Variants in SRPX2 observed in about 807,000 individuals in gnomAD.
SRPX2 encodes the protein sushi repeat-containing protein SRPX2.
A neutral mutation model predicts 45.3 loss-of-function variants in SRPX2; 26 were observed. The ratio of observed to expected loss-of-function variants is 0.57; its 90% CI spans 0.42 to 0.80. The LOEUF (loss-of-function observed/expected upper bound fraction) is 0.80, where lower values mean the gene tolerates loss of function less well. Ranked by LOEUF, SRPX2 falls within the 30% of genes least tolerant of loss-of-function variation. The probability of loss-of-function intolerance (pLI) is 0.00; values close to 1 mark genes in which losing one functional copy is unlikely to be tolerated. For synonymous variants in SRPX2, 125 were observed against 143.7 expected (o/e 0.87, Z 0.93); for missense variants, 355 against 399.8 (o/e 0.89, Z 0.95).
rs5921621 is a variant in SRPX2, at chrX:100,671,393, T to C, written c.*406T>C. The C allele has an allele frequency of 0.24, 42,592 of 179,763 alleles. 4,186 individuals are homozygous for C. Among genetic ancestry groups the C allele is most frequent in the South Asian group, 0.34 (2,944 of 8,678 alleles). The allele number at this position is 179,763 out of a possible 1,213,427, so 14.8% of individuals were successfully genotyped here. On this transcript the variant is annotated 3_prime_UTR_variant, in exon 11 of 11. Transcript: ENST00000373004. Reference sequence around the variant, plus strand: ...AGCTTACACTTTAAGCAAGTGTAGCTGGATTTTCCTTACAGGATGAGGGGT... The same window carrying C: ...AGCTTACACTTTAAGCAAGTGTAGCCGGATTTTCCTTACAGGATGAGGGGT...
At chrX:100,657,686 A>C (rs1210492296) in intron 3 of SRPX2, among the ~76,000 whole-genome samples, 1 of 109,821 alleles carries the variant, frequency 9.1e-6, no homozygotes, top group Non-Finnish European at 1.9e-5. Context: ...GGGTGAGATG[A>C]TATCTCATTG....
At chrX:100,659,254 T>A (rs1005389102) in intron 3 of SRPX2, among the ~76,000 whole-genome samples, 1 of 112,150 alleles carries the variant, frequency 8.9e-6, no homozygotes, top group Non-Finnish European at 1.9e-5. Flanking sequence ...GACTTCTTCC[T>A]TATTTGAAAA....
At chrX:100,656,248 G>A (rs985504156) in intron 3 of SRPX2, among the ~76,000 whole-genome samples, 5 of 111,161 alleles carry the variant, frequency 4.5e-5, no homozygotes, top group Admixed American at 9.6e-5. Context: ...AGTGTCACAC[G>A]CATAGACTGT....
At chrX:100,655,321 G>A (rs2083165162) in intron 3 of SRPX2, among the ~76,000 whole-genome samples, 1 of 111,317 alleles carries the variant, frequency 9.0e-6, no homozygotes, top group South Asian at 3.8e-4. Flanking sequence ...TAAAAAGGAA[G>A]GAAAAATAAG....
chrX:100,661,933 GTTTTTTTTTTTTTTT>G (rs771852530), intron 3 of SRPX2, among the ~76,000 whole-genome samples: 1 of 59,698 alleles, frequency 1.7e-5, no homozygotes, highest in Non-Finnish European at 3.1e-5. Context: ...TCGAGGTGGG[GTTTTTTTTTTTTTTT>G]TTTTTTTTTT....
chrX:100,647,984 T>C (rs2083140636), intron 2 of SRPX2, among the ~76,000 whole-genome samples: 1 of 112,589 alleles, frequency 8.9e-6, no homozygotes, highest in Admixed American at 9.4e-5. Context: ...GCTGTTGGGC[T>C]TGCCTTCATG....
intron 2 of SRPX2, among the ~76,000 whole-genome samples, chrX:100,646,830 G>A (rs1362231087): frequency 9.0e-6 from 1 of 111,725 alleles, no homozygotes; most frequent in Non-Finnish European, 1.9e-5. Context: ...AAATAAGGGG[G>A]GCAGGCAATC....
At chrX:100,666,712 T>G in intron 7 of SRPX2, 42 bp from the exon 8 acceptor site, 1 of 1,209,975 alleles carries the variant, frequency 8.3e-7, no homozygotes, top group Non-Finnish European at 1.1e-6. Context: ...TTCCTTCTTA[T>G]AAGAAACACC....
chrX:100,661,933 GTTTTTTTTTTTTTT>G (rs771852530), intron 3 of SRPX2, among the ~76,000 whole-genome samples: 1 of 59,698 alleles, frequency 1.7e-5, no homozygotes, highest in Non-Finnish European at 3.1e-5. Context: ...TCGAGGTGGG[GTTTTTTTTTTTTTT>G]TTTTTTTTTT....
chrX:100,664,020 A>G (rs2083196090), intron 4 of SRPX2, among the ~76,000 whole-genome samples: 1 of 111,944 alleles, frequency 8.9e-6, no homozygotes, highest in Admixed American at 9.5e-5. Flanking sequence ...TTGAGGAATA[A>G]GAGACAAAAA....
intron 3 of SRPX2, among the ~76,000 whole-genome samples, chrX:100,659,775 TTC>T (rs1208520090): frequency 6.8e-4 from 15 of 21,925 alleles, no homozygotes; most frequent in Non-Finnish European, 2.6e-3. Context: ...TCTCATCTAC[TTC>T]TTTTTTTTTT....
chrX:100,669,392 A>G, intron 10 of SRPX2, 23 bp downstream of exon 10: 2 of 99,211 alleles, frequency 2.0e-5, no homozygotes, highest in Non-Finnish European at 3.3e-5. Flanking sequence ...AGGCTGCCAA[A>G]CTTGGGGGGA....
intron 3 of SRPX2, among the ~76,000 whole-genome samples, chrX:100,657,870 C>T (rs747012865): frequency 2.7e-5 from 3 of 112,286 alleles, no homozygotes. Flanking sequence ...CCTCGTAATC[C>T]GCCCACCTTG....
In SRPX2 at chrX:100,674,848, TC is replaced by T. The variant is rs1356676686; in HGVS notation, c.*3862del. On this transcript the variant is annotated 3_prime_UTR_variant, in exon 11 of 11. Coordinates refer to ENST00000373004, the MANE Select transcript of SRPX2 (RefSeq NM_014467.3). The stretch of plus-strand genomic sequence containing the variant: ...GATGAAACTTAGCTCACTAGACCCT[TC>T]TTTGAAAAGCCTCAACACACTACAC... 8.9e-6 allele frequency: 1 copy of T among 111,958 alleles called. No homozygotes were observed. The highest frequency in any genetic ancestry group is 1.9e-5 in the Non-Finnish European group (1 of 53,236). 9.2% of individuals were successfully genotyped at this position (111,958 alleles called of 1,213,427 possible).
At position 100,664,856 on chromosome X, in the gene SRPX2, C is replaced by G. The variant is rs1484655126; in HGVS notation, c.438C>G (p.Asp146Glu). The change falls in exon 5 of 11, where the codon GAC becomes GAG. Residue 146 changes from aspartate to glutamate, a missense_variant. Physicochemically the swap from Asp to Glu is conservative, Grantham distance 45. Transcript: ENST00000373004. The stretch of plus-strand genomic sequence containing the variant: ...GAGTGCTTCTTGACTCTCGCTGTGA[C>G]TACAGCTGTTCCAGTGGCTACCACC... ...TNGVLLDSRCDYSCSSGYHLE... is the reference protein window; with the variant it reads ...TNGVLLDSRCEYSCSSGYHLE... 2 of 1,210,350 alleles carry G rather than the reference C, an allele frequency of 1.7e-6. No homozygotes were observed. The highest frequency in any genetic ancestry group is 4.3e-5 in the Admixed American group (2 of 45,999).
In SRPX2 at chrX:100,669,359, G is replaced by A. The variant is rs774253380; in HGVS notation, c.1207G>A (p.Glu403Lys). Residue 403 changes from glutamate (E) to lysine (K), a missense_variant, in exon 10 of 11, where the codon GAG becomes AAG. Coordinates refer to ENST00000373004, the MANE Select transcript of SRPX2 (RefSeq NM_014467.3). ...REQQLSANII[E>K]ELRQFQRLTR... ...GCAACAGCTGTCAGCCAACATCATCGAGGAGCTCAGGTCCAGGCTGGGAGG... is the reference window on the plus strand; with the variant it reads ...GCAACAGCTGTCAGCCAACATCATCAAGGAGCTCAGGTCCAGGCTGGGAGG... The A allele has an allele frequency of 1.0e-5, 11 of 1,073,481 alleles. No individual in the cohort carries two copies. Among genetic ancestry groups the A allele is most frequent in the East Asian group, 4.6e-5 (1 of 21,751 alleles). 88.5% of individuals were successfully genotyped at this position (1,073,481 alleles called of 1,213,427 possible). A position where few individuals can be genotyped will look rare whatever the true frequency, so the allele number is the denominator to read the frequency against.
rs1325554834 is a variant in SRPX2, at chrX:100,665,031, C to T, written c.532+81C>T. On this transcript the variant is annotated intron_variant, in intron 5 of 10. Transcript: ENST00000373004. Reference sequence around the variant, plus strand: ...TCGACAAAAGATGTGGAATTCTCACCACAGAAGGCATTCCTCTTAGCTATG... The same window carrying T: ...TCGACAAAAGATGTGGAATTCTCACTACAGAAGGCATTCCTCTTAGCTATG... The T allele has an allele frequency of 1.4e-5, 16 of 1,120,378 alleles. No homozygotes were observed. The African/African-American group carries it at 1.4e-4, about 10-fold the overall frequency. The allele number at this position is 1,120,378 out of a possible 1,213,427, so 92.3% of individuals were successfully genotyped here. A position where few individuals can be genotyped will look rare whatever the true frequency, so the allele number is the denominator to read the frequency against.
Position 100,665,383 on chromosome X carries a change from A to G in SRPX2, c.659+14A>G, listed in dbSNP as rs779735355. 2 of 1,207,425 alleles carry G rather than the reference A, an allele frequency of 1.7e-6. No individual in the cohort carries two copies. Among genetic ancestry groups the G allele is most frequent in the Non-Finnish European group, 2.2e-6 (2 of 893,719 alleles). On this transcript the variant is annotated intron_variant, in intron 6 of 10. Coordinates refer to ENST00000373004, the MANE Select transcript of SRPX2 (RefSeq NM_014467.3). ...TACCATCACCAGGTGAGCCTGAATA[A>G]TGGATGCCCCTTATGCCTTCCCTCG...
chrX:100,664,983 C>G (rs760820798), intron 5 of SRPX2, 33 bp downstream of exon 5: 1 of 1,194,824 alleles, frequency 8.4e-7, no homozygotes, highest in Non-Finnish European at 1.1e-6. Context: ...TGTCCTGGTG[C>G]AAAGAGCCAC....
Sources: gnomAD v4.1 joint callset for allele counts (sites outside exome capture counted in the v4.1 genomes callset) on GRCh38, gnomAD v4.1.1 for gene constraint, MANE v1.5 for transcripts, NCBI Gene and HGNC (gene_info 2026-07-23, HGNC 2026-07-21) for gene names.